SLC4A2: variants seen among roughly 807,000 people sequenced by gnomAD.
SLC4A2 encodes solute carrier family 4 member 2, also known as anion exchange protein 2.
In SLC4A2, 36 loss-of-function variants were observed where a neutral mutation model predicts 115.0. The observed-to-expected ratio is 0.31, with a 90% confidence interval of 0.24 to 0.41. The LOEUF (loss-of-function observed/expected upper bound fraction) is 0.41, where lower values mean the gene tolerates loss of function less well. SLC4A2 is among the 10% of genes least tolerant of loss of function. The pLI is 1.00. For synonymous variants in SLC4A2, 708 were observed against 708.3 expected, an observed-to-expected ratio of 1.00 and a Z score of 0.01; for missense variants, 1,252 against 1,705.6, an observed-to-expected ratio of 0.73 and a Z score of 4.68.
chr7:151,071,739 G>A lies in SLC4A2; in HGVS notation c.2242G>A (p.Ala748Thr). ...IGVSELIMST[A>T]LQGVVFCLLG... Reference sequence around the variant, plus strand: ...GGTGTCGGAGCTGATTATGTCCACAGCGCTCCAGGGCGTGGTCTTCTGCCT... The same window carrying A: ...GGTGTCGGAGCTGATTATGTCCACAACGCTCCAGGGCGTGGTCTTCTGCCT... Residue 748 changes from alanine to threonine, a missense_variant, in exon 15 of 23, where the codon GCG becomes ACG. This residue lies in a region of SLC4A2 where 118 missense variants were observed against 203.3 expected (regional missense o/e 0.58). Coordinates refer to ENST00000413384, the MANE Select transcript of SLC4A2 (RefSeq NM_003040.4). The surrounding 1 kb of genome is among the most constrained non-coding windows in gnomAD (Gnocchi z 5.5). The A allele has an allele frequency of 1.9e-6, 3 of 1,612,628 alleles. No individual in the cohort carries two copies. Among genetic ancestry groups the A allele is most frequent in the Non-Finnish European group, 2.5e-6 (3 of 1,179,504 alleles).
chr7:151,060,478 G>A lies in SLC4A2; in HGVS notation c.-64+716G>A, dbSNP rs1457619394. 6.6e-6 allele frequency among the ~76,000 whole-genome samples: 1 copy of A among 152,220 alleles called. No homozygotes were observed. Among genetic ancestry groups the A allele is most frequent in the African/African-American group, 2.4e-5 (1 of 41,460 alleles). ...TCCGAGGTGCTAATCCCTTGGTCAA[G>A]GGGAGAGATACTAATCCTCTGGGCC... On this transcript the variant is annotated intron_variant, in intron 1 of 22. Coordinates refer to ENST00000413384, the MANE Select transcript of SLC4A2 (RefSeq NM_003040.4). The surrounding 1 kb of genome is among the most constrained non-coding windows in gnomAD (Gnocchi z 5.9).
At chr7:151,073,871 T>C (rs533499432) in intron 16 of SLC4A2, 168 bp from the exon 17 acceptor site, 3 of 716,310 alleles carry the variant, frequency 4.2e-6, no homozygotes, top group Non-Finnish European at 6.8e-6. Context: ...CACACTGCCC[T>C]GTGCTCACAG....
rs754943360 is a variant in SLC4A2, at chr7:151,074,884, A to G, written c.3047+43A>G. On this transcript the variant is annotated intron_variant, in intron 19 of 22. Coordinates refer to ENST00000413384, the MANE Select transcript of SLC4A2 (RefSeq NM_003040.4). ...AAGGGGTGTGAGAGGCCAGAGCCCC[A>G]GGCCAGGCTGGGGAACTCAGCATGG... 1.9e-6 allele frequency: 3 copies of G among 1,539,006 alleles called. No individual in the cohort carries two copies. The South Asian group carries it at 3.7e-5, about 19-fold the overall frequency.
rs1280480905 is a variant in SLC4A2, at chr7:151,060,216, G to A, written c.-64+454G>A. Reference sequence around the variant, plus strand: ...GCGGGTGGCGGGTAAGGTCGGACAAGGGGTCAGACAGAAGAGGGAGCAGCT... The same window carrying A: ...GCGGGTGGCGGGTAAGGTCGGACAAAGGGTCAGACAGAAGAGGGAGCAGCT... On this transcript the variant is annotated intron_variant, in intron 1 of 22. Coordinates refer to ENST00000413384, the MANE Select transcript of SLC4A2 (RefSeq NM_003040.4). This position sits in a 1 kb window ranked among gnomAD's most constrained non-coding sequence, Gnocchi z 5.9. 1.3e-5 allele frequency: 2 copies of A among 152,014 alleles called. No individual in the cohort carries two copies. The highest frequency in any genetic ancestry group is 2.9e-5 in the Non-Finnish European group (2 of 68,050). 9.4% of individuals were successfully genotyped at this position (152,014 alleles called of 1,614,324 possible). A position where few individuals can be genotyped will look rare whatever the true frequency, so the allele number is the denominator to read the frequency against.
At chr7:151,059,306 G>A (rs557322405), upstream of SLC4A2, 1 of 152,344 alleles carries the variant, frequency 6.6e-6, no homozygotes, top group African/African-American at 2.4e-5. This position sits in a 1 kb window ranked among gnomAD's most constrained non-coding sequence, Gnocchi z 5.8. Flanking sequence ...TCTCAACCCC[G>A]ATACGTTTAT....
chr7:151,061,109 C>T (rs1048642105), intron 1 of SLC4A2: 3 of 152,246 alleles, frequency 2.0e-5, no homozygotes, highest in African/African-American at 7.2e-5. Flanking sequence ...CTCAGATTTT[C>T]CTGGCTCCAG....
Position 151,064,698 on chromosome 7 carries a change from G to T in SLC4A2, c.390G>T (p.Glu130Asp), listed in dbSNP as rs1393505676. ...AGGAGGGGGAGGAAGATGAGGATGA[G>T]GCCAGCGAGGCTGAGGGGGCCCGGG... ...TIEEGEEDED[E>D]ASEAEGARAL... Residue 130 changes from glutamate (E) to aspartate (D), a missense_variant, in exon 4 of 23, where the codon GAG becomes GAT. Transcript: ENST00000413384. 2 of 1,613,592 alleles carry T rather than the reference G, an allele frequency of 1.2e-6. No homozygotes were observed. The highest frequency in any genetic ancestry group is 1.7e-4 in the Middle Eastern group (1 of 6,046).
Position 151,066,561 on chromosome 7 carries a change from G to A in SLC4A2, c.623G>A (p.Ser208Asn). The A allele has an allele frequency of 1.3e-6, 2 of 1,543,744 alleles. No individual in the cohort carries two copies. Among genetic ancestry groups the A allele is most frequent in the Non-Finnish European group, 1.7e-6 (2 of 1,144,280 alleles). The change falls in exon 6 of 23, where the codon AGT becomes AAT. Residue 208 changes from serine to asparagine, a missense_variant. Transcript: ENST00000413384. ...EAEAEAVAVA[S>N]GTAGGDDGGA... ...GAGGCGGAGGCGGTGGCGGTGGCCA[G>A]TGGCACTGCAGGGGGTGACGACGGG... is the stretch of plus-strand genomic sequence containing the variant.
intron 2 of SLC4A2, among the ~76,000 whole-genome samples, chr7:151,063,581 G>A (rs992009002): frequency 4.0e-5 from 6 of 151,184 alleles, no homozygotes; most frequent in Admixed American, 2.6e-4. Flanking sequence ...CTGCTGGGGG[G>A]ACTGGGTCTC....
Position 151,071,852 on chromosome 7 carries a change from C to T in SLC4A2, c.2340+15C>T, listed in dbSNP as rs768583029. The T allele has an allele frequency of 1.1e-5, 18 of 1,600,658 alleles. No homozygotes were observed. The highest frequency in any genetic ancestry group is 1.0e-4 in the Admixed American group (6 of 58,370). ...CCTTCTTCTCGGTGAGGGCTCTTCTCGCCCATCTCCAGCCGCCCCTCCCGT... is the reference window on the plus strand; with the variant it reads ...CCTTCTTCTCGGTGAGGGCTCTTCTTGCCCATCTCCAGCCGCCCCTCCCGT... On this transcript the variant is annotated intron_variant, in intron 15 of 22. Coordinates refer to ENST00000413384, the MANE Select transcript of SLC4A2 (RefSeq NM_003040.4). The surrounding 1 kb of genome is among the most constrained non-coding windows in gnomAD (Gnocchi z 5.5).
At chr7:151,074,581 A>G (rs745617012) in intron 18 of SLC4A2, 93 bp downstream of exon 18, 148 of 1,582,758 alleles carry the variant, frequency 9.4e-5, no homozygotes, top group Non-Finnish European at 1.2e-4. Context: ...CCTGTCCTTA[A>G]GCTTAAGCCT....
chr7:151,073,960 T>A, intron 16 of SLC4A2, 79 bp from the exon 17 acceptor site: 6 of 1,404,382 alleles, frequency 4.3e-6, no homozygotes, highest in Non-Finnish European at 5.8e-6. Flanking sequence ...GCCCCACCCC[T>A]TCCACCCGAC....
At chr7:151,067,458 G>A (rs1797273366) in intron 7 of SLC4A2, among the ~76,000 whole-genome samples, 1 of 152,216 alleles carries the variant, frequency 6.6e-6, no homozygotes, top group Admixed American at 6.5e-5. Context: ...AGAGCTTATT[G>A]ACTTGGGCAC....
intron 21 of SLC4A2, 45 bp from the exon 22 acceptor site, chr7:151,075,968 A>T (rs1190554780): frequency 1.4e-5 from 22 of 1,528,478 alleles, no homozygotes; most frequent in Non-Finnish European, 1.9e-5. Flanking sequence ...TCTTCCCAGC[A>T]GCAGGCTAGG....
intron 16 of SLC4A2, 180 bp from the exon 17 acceptor site, chr7:151,073,859 C>T (rs1797524715): frequency 1.5e-6 from 1 of 653,806 alleles, no homozygotes; most frequent in Non-Finnish European, 2.5e-6. Flanking sequence ...TCTTTTCTGC[C>T]CCACACTGCC....
intron 16 of SLC4A2, 72 bp from the exon 17 acceptor site, chr7:151,073,967 C>A: frequency 1.4e-6 from 2 of 1,480,980 alleles, no homozygotes; most frequent in South Asian, 2.7e-5. Context: ...CCCTTCCACC[C>A]GACACTCACT....
rs1009359785 is a variant in SLC4A2, at chr7:151,059,853, G to C, written c.-64+91G>C. 6.6e-6 allele frequency: 1 copy of C among 152,018 alleles called. No homozygotes were observed. Among genetic ancestry groups the C allele is most frequent in the African/African-American group, 2.4e-5 (1 of 41,342 alleles). 9.4% of individuals were successfully genotyped at this position (152,018 alleles called of 1,614,324 possible). A position where few individuals can be genotyped will look rare whatever the true frequency, so the allele number is the denominator to read the frequency against. On this transcript the variant is annotated intron_variant, in intron 1 of 22. Transcript: ENST00000413384. This position sits in a 1 kb window ranked among gnomAD's most constrained non-coding sequence, Gnocchi z 5.8. ...AGGGGGGAACTCGGGACTCGAGCGG[G>C]GAGGGAGTGGAAGTGGAGGAAAGGG...
At chr7:151,076,240 A>G (rs1391865442) in intron 22 of SLC4A2, 47 bp from the exon 23 acceptor site, 1 of 1,598,738 alleles carries the variant, frequency 6.3e-7, no homozygotes, top group South Asian at 1.1e-5. Context: ...GTGGATCTGG[A>G]AAGGCCCCCC....
chr7:151,071,339 G>T lies in SLC4A2; in HGVS notation c.1975+42G>T, dbSNP rs1027267621. 3.9e-6 allele frequency: 6 copies of T among 1,546,810 alleles called. No homozygotes were observed. The African/African-American group carries it at 5.4e-5, about 14-fold the overall frequency. On this transcript the variant is annotated intron_variant, in intron 13 of 22. Transcript: ENST00000413384. The surrounding 1 kb of genome is among the most constrained non-coding windows in gnomAD (Gnocchi z 5.5). ...CTGGGGCCAGGGCTGCCTCGAGGGG[G>T]TGAGGTGGGCAAGAGGGGCTGGGGC... is the stretch of plus-strand genomic sequence containing the variant.
Sources: gnomAD v4.1 joint callset for allele counts (sites outside exome capture counted in the v4.1 genomes callset) on GRCh38, gnomAD v4.1.1 for gene constraint, gnomAD v4.1.1 regional missense constraint, Gnocchi (gnomAD v3.1) non-coding constraint, MANE v1.5 for transcripts, NCBI Gene and HGNC (gene_info 2026-07-23, HGNC 2026-07-21) for gene names.